The following CTTNBP2NL variants were observed in gnomAD, a reference collection of about 807,000 sequenced individuals.
CTTNBP2NL encodes the protein CTTNBP2 N-terminal like.
CTTNBP2NL carries 16 observed loss-of-function variants against 32.5 expected under a neutral mutation model. The ratio of observed to expected loss-of-function variants is 0.49; its 90% CI spans 0.33 to 0.75. The LOEUF is 0.75. Ranked by LOEUF, CTTNBP2NL falls within the 30% of genes least tolerant of loss-of-function variation. The pLI, the probability that CTTNBP2NL is intolerant of heterozygous loss-of-function variation, is 0.02. For synonymous variants in CTTNBP2NL, 298 were observed against 289.4 expected (o/e 1.03, Z -0.30); for missense variants, 645 against 756.0 (o/e 0.85, Z 1.72).
intron 4 of CTTNBP2NL, among the ~76,000 whole-genome samples, chr1:112,449,608 T>C (rs1650160175): frequency 6.6e-6 from 1 of 151,956 alleles, no homozygotes; most frequent in Non-Finnish European, 1.5e-5. Flanking sequence ...AGCCAATAGA[T>C]TATTTTCATT....
At position 112,420,847 on chromosome 1, in the gene CTTNBP2NL, T is replaced by C. The variant is rs138582970; in HGVS notation, c.99+4583T>C. Among the ~76,000 whole-genome samples, 907 of 152,324 alleles carry C rather than the reference T, an allele frequency of 6.0e-3. 9 individuals are homozygous for C. The highest frequency in any genetic ancestry group is 0.021 in the African/African-American group (865 of 41,570). On this transcript the variant is annotated intron_variant, in intron 3 of 5. Transcript: ENST00000271277. Reference sequence around the variant, plus strand: ...AAACATAAAGATAATTACTAGGCACTCTTCAAAACCATCAACCAGAACATT... The same window carrying C: ...AAACATAAAGATAATTACTAGGCACCCTTCAAAACCATCAACCAGAACATT...
upstream of CTTNBP2NL, among the ~76,000 whole-genome samples, chr1:112,394,154 G>A (rs539275072): frequency 6.7e-6 from 1 of 149,930 alleles, no homozygotes; most frequent in South Asian, 2.1e-4. Flanking sequence ...TGTAGTGAGA[G>A]ATTGCGCCAT....
chr1:112,431,380 A>G (rs761209105), intron 3 of CTTNBP2NL, among the ~76,000 whole-genome samples: 6 of 152,340 alleles, frequency 3.9e-5, no homozygotes, highest in Middle Eastern at 3.4e-3. Context: ...TAAAACTAAA[A>G]CATATCATTT....
In CTTNBP2NL at chr1:112,454,488, C is replaced by A. The variant is rs748060649; in HGVS notation, c.370C>A (p.Gln124Lys). ...TGAGGAAGAAAGGCAGCGGCATGCA[C>A]AGGATACGGCTGAAGGAGATGATGT... ...DLEEERQRHAQDTAEGDDVTY... is the reference protein window; with the variant it reads ...DLEEERQRHAKDTAEGDDVTY... Residue 124 changes from glutamine (Q) to lysine (K), a missense_variant, in exon 5 of 6, where the codon CAG (glutamine) becomes AAG (lysine). By Grantham distance (53) the Gln-to-Lys change is moderately conservative. Coordinates refer to ENST00000271277, the MANE Select transcript of CTTNBP2NL (RefSeq NM_018704.3). 7.4e-6 allele frequency: 12 copies of A among 1,613,960 alleles called. No individual in the cohort carries two copies. The South Asian group carries it at 1.3e-4, about 18-fold the overall frequency.
At chr1:112,408,902 G>A (rs901404272) in intron 1 of CTTNBP2NL, among the ~76,000 whole-genome samples, 3 of 152,058 alleles carry the variant, frequency 2.0e-5, no homozygotes, top group African/African-American at 7.2e-5. Context: ...TGAGGTGGGC[G>A]AATCACTTGA....
upstream of CTTNBP2NL, among the ~76,000 whole-genome samples, chr1:112,393,806 G>A (rs1300615662): frequency 6.6e-6 from 1 of 152,208 alleles, no homozygotes; most frequent in African/African-American, 2.4e-5. Context: ...CAGGGGAGTT[G>A]CCCATTGCTC....
rs555612463 is a variant in CTTNBP2NL at position 112,396,226 on chromosome 1, T to G, written c.-180T>G. The G allele has an allele frequency of 6.6e-6, 1 of 152,190 alleles. No individual in the cohort carries two copies. Among genetic ancestry groups the G allele is most frequent in the Non-Finnish European group, 1.5e-5 (1 of 68,146 alleles). The allele number at this position is 152,190 out of a possible 1,614,324, so 9.4% of individuals were successfully genotyped here. A position where few individuals can be genotyped will look rare whatever the true frequency, so the allele number is the denominator to read the frequency against. On this transcript the variant is annotated 5_prime_UTR_variant, in exon 1 of 6. An upstream start codon of the reference 5' UTR is lost. Transcript: ENST00000271277. The stretch of plus-strand genomic sequence containing the variant: ...GGGGCGGAGCCTCAGCCGCTGTGGA[T>G]GGGGAGTGGAGGCGGAGGGGAGCGG...
intron 3 of CTTNBP2NL, among the ~76,000 whole-genome samples, chr1:112,446,445 A>G (rs1388874396): frequency 1.3e-5 from 2 of 152,216 alleles, no homozygotes; most frequent in African/African-American, 4.8e-5. Context: ...TTTATAGCTG[A>G]ATTTAAAGAA....
At chr1:112,433,616 A>T (rs1649638582) in intron 3 of CTTNBP2NL, among the ~76,000 whole-genome samples, 1 of 152,164 alleles carries the variant, frequency 6.6e-6, no homozygotes, top group African/African-American at 2.4e-5. Flanking sequence ...CATAATAATA[A>T]TAAAATTCCC....
intron 1 of CTTNBP2NL, among the ~76,000 whole-genome samples, chr1:112,407,356 A>G (rs1395163481): frequency 3.3e-5 from 5 of 152,164 alleles, no homozygotes; most frequent in African/African-American, 1.2e-4. Context: ...TTTTTTCACA[A>G]TTCTGGAGCC....
Position 112,449,084 on chromosome 1 carries a change from C to A in CTTNBP2NL, c.242C>A (p.Ser81Tyr), listed in dbSNP as rs1459725657. The change falls in exon 4 of 6, where the codon TCT becomes TAT. Residue 81 changes from serine (S) to tyrosine (Y), a missense_variant. Coordinates refer to ENST00000271277, the MANE Select transcript of CTTNBP2NL (RefSeq NM_018704.3). ...EKQPVCTNPL[S>Y]ILKVVMKQCK... ...CAGCCAGTCTGCACAAATCCACTCT[C>A]TATTCTTAAGGTTGTGATGAAGCAG... The A allele has an allele frequency of 6.2e-7, 1 of 1,613,528 alleles. No homozygotes were observed. Among genetic ancestry groups the A allele is most frequent in the African/African-American group, 1.3e-5 (1 of 74,916 alleles).
intron 2 of CTTNBP2NL, among the ~76,000 whole-genome samples, chr1:112,415,545 TG>T (rs1649028147): frequency 7.1e-6 from 1 of 140,980 alleles, no homozygotes; most frequent in African/African-American, 2.7e-5. Context: ...GGCTAATTCT[TG>T]TTTGCTTTTT....
chr1:112,442,518 T>C (rs1649924163), intron 3 of CTTNBP2NL, among the ~76,000 whole-genome samples: 1 of 152,196 alleles, frequency 6.6e-6, no homozygotes. Flanking sequence ...AAGTTATTCT[T>C]GTGGACTCAG....
intron 3 of CTTNBP2NL, among the ~76,000 whole-genome samples, chr1:112,435,785 A>C (rs1179121771): frequency 6.6e-6 from 1 of 152,200 alleles, no homozygotes; most frequent in Admixed American, 6.5e-5. Flanking sequence ...TTAATTTTCA[A>C]CTGACATTTA....
At chr1:112,408,718 T>C (rs1356595377) in intron 1 of CTTNBP2NL, among the ~76,000 whole-genome samples, 1 of 152,218 alleles carries the variant, frequency 6.6e-6, no homozygotes, top group Non-Finnish European at 1.5e-5. Context: ...TTAAGAAAAG[T>C]ACATGATCTA....
intron 1 of CTTNBP2NL, chr1:112,396,702 A>G (rs549323884): frequency 6.6e-6 from 1 of 152,270 alleles, no homozygotes; most frequent in South Asian, 2.1e-4. Flanking sequence ...TTTCCTCCGT[A>G]AGATAAAATT....
chr1:112,407,715 C>G (rs923816614), intron 1 of CTTNBP2NL, among the ~76,000 whole-genome samples: 3 of 151,846 alleles, frequency 2.0e-5, no homozygotes, highest in Non-Finnish European at 2.9e-5. Context: ...TCACCTTCAT[C>G]TGAGAGAAGC....
chr1:112,417,394 T>C (rs552262804), intron 3 of CTTNBP2NL, among the ~76,000 whole-genome samples: 80 of 152,388 alleles, frequency 5.2e-4, no homozygotes, highest in Admixed American at 9.1e-4. Flanking sequence ...CCTCTTCTTA[T>C]GTACTCTGCA....
upstream of CTTNBP2NL, among the ~76,000 whole-genome samples, chr1:112,391,587 T>C (rs1001080816): frequency 6.6e-6 from 1 of 152,190 alleles, no homozygotes. Flanking sequence ...GGAGCTATTA[T>C]CTCATTTAAC....
Sources: gnomAD v4.1 joint callset for allele counts (sites outside exome capture counted in the v4.1 genomes callset) on GRCh38, gnomAD v4.1.1 for gene constraint, MANE v1.5 for transcripts, NCBI Gene and HGNC (gene_info 2026-07-23, HGNC 2026-07-21) for gene names.